The following GLIPR1L1 variants were observed in gnomAD, a reference collection of about 807,000 sequenced individuals.
GLIPR1L1 encodes GLIPR1 like 1.
GLIPR1L1 carries 26 observed loss-of-function variants against 29.9 expected under a neutral mutation model. The observed-to-expected ratio is 0.87, with a 90% CI of 0.64 to 1.21. The LOEUF (loss-of-function observed/expected upper bound fraction) is 1.21, where lower values mean the gene tolerates loss of function less well. Among genes scored for constraint, GLIPR1L1 ranks in the 50% most tolerant of loss-of-function variants. The probability of loss-of-function intolerance (pLI) is 0.00; values close to 1 mark genes in which losing one functional copy is unlikely to be tolerated. For missense variants in GLIPR1L1, 305 were observed against 290.3 expected, an observed-to-expected ratio of 1.05 and a Z score of -0.37; for synonymous variants, 77 against 97.5, an observed-to-expected ratio of 0.79 and a Z score of 1.24.
rs375662800 is a variant in GLIPR1L1 at position 75,353,311 on chromosome 12, G to A, written c.521+5589G>A. Reference sequence around the variant, plus strand: ...AGACACAATAAAAAATGATAAAGGGGTATCACCACTGACCCCACAGAAATA... The same window carrying A: ...AGACACAATAAAAAATGATAAAGGGATATCACCACTGACCCCACAGAAATA... On this transcript the variant is annotated intron_variant, in intron 3 of 5. Coordinates refer to ENST00000378695, the MANE Select transcript of GLIPR1L1 (RefSeq NM_001304964.2). 1.1e-3 allele frequency among the ~76,000 whole-genome samples: 170 copies of A among 151,988 alleles called. 1 individual carries two copies. The highest frequency in any genetic ancestry group is 3.6e-3 in the African/African-American group (150 of 41,478).
chr12:75,340,568 A>C, intron 1 of GLIPR1L1, among the ~76,000 whole-genome samples: 1 of 152,136 alleles, frequency 6.6e-6, no homozygotes, highest in South Asian at 2.1e-4. Flanking sequence ...AACTATTTTT[A>C]AAAAGTCAAC....
intron 4 of GLIPR1L1, chr12:75,366,924 A>AC (rs1173226888): frequency 4.3e-6 from 3 of 701,812 alleles, no homozygotes; most frequent in Admixed American, 4.0e-5. Context: ...GGGGTTAACC[A>AC]CCCAGACATT....
rs188781084 is a variant in GLIPR1L1 at position 75,362,399 on chromosome 12, G to T, written c.522-703G>T. Among the ~76,000 whole-genome samples, 127 of 152,230 alleles carry T rather than the reference G, an allele frequency of 8.3e-4. 1 individual carries two copies. The highest frequency in any genetic ancestry group is 1.1e-3 in the Non-Finnish European group (78 of 67,998). ...GCCATGGTATTCTCATGCACTGTTA[G>T]ATCTGTGTCCCTATAATGATGTATG... On this transcript the variant is annotated intron_variant, in intron 3 of 5. Coordinates refer to ENST00000378695, the MANE Select transcript of GLIPR1L1 (RefSeq NM_001304964.2).
intron 2 of GLIPR1L1, among the ~76,000 whole-genome samples, chr12:75,347,042 C>T (rs867262580): frequency 1.5e-4 from 22 of 151,398 alleles, no homozygotes; most frequent in African/African-American, 5.1e-4. Context: ...AAGTCTTCTT[C>T]CTTTTGAATA....
At position 75,370,196 on chromosome 12, in the gene GLIPR1L1, A is replaced by C. The variant is rs541396838; in HGVS notation, c.*20A>C. On this transcript the variant is annotated 3_prime_UTR_variant, in exon 6 of 6. Coordinates refer to ENST00000378695, the MANE Select transcript of GLIPR1L1 (RefSeq NM_001304964.2). ...TTTTAATGTCATTTATATACAAAAG[A>C]AATTCTCAAATGTTAAAATAAAGGA... The C allele has an allele frequency of 1.7e-6, 2 of 1,174,950 alleles. No homozygotes were observed. Among genetic ancestry groups the C allele is most frequent in the Non-Finnish European group, 2.5e-6 (2 of 787,230 alleles). The allele number at this position is 1,174,950 out of a possible 1,614,324, so 72.8% of individuals were successfully genotyped here.
chr12:75,352,030 G>A (rs1390079421), intron 3 of GLIPR1L1, among the ~76,000 whole-genome samples: 1 of 152,108 alleles, frequency 6.6e-6, no homozygotes, highest in Non-Finnish European at 1.5e-5. Context: ...AAGGAAAAAT[G>A]GTTACCAGTC....
chr12:75,359,314 T>A (rs2043389090), intron 3 of GLIPR1L1, among the ~76,000 whole-genome samples: 1 of 148,780 alleles, frequency 6.7e-6, no homozygotes, highest in Non-Finnish European at 1.5e-5. Context: ...GCGACATATA[T>A]GTTGTTCAGT....
Position 75,370,085 on chromosome 12 carries a change from A to G in GLIPR1L1, c.638A>G (p.Gln213Arg), listed in dbSNP as rs2139699360. Residue 213 changes from glutamine to arginine, a missense_variant and splice_region_variant, in exon 6 of 6, where the codon CAA becomes CGA. Coordinates refer to ENST00000378695, the MANE Select transcript of GLIPR1L1 (RefSeq NM_001304964.2). Reference sequence around the variant, plus strand: ...CTGGTTTTGTTTTTGTTTTTGACAGAAAATCCATTTCTGAAGCCAACGGGG... The same window carrying G: ...CTGGTTTTGTTTTTGTTTTTGACAGGAAATCCATTTCTGAAGCCAACGGGG... ...CRTPQLIIPNQNPFLKPTGRA... is the reference protein window; with the variant it reads ...CRTPQLIIPNRNPFLKPTGRA... The G allele has an allele frequency of 6.3e-7, 1 of 1,593,392 alleles. No homozygotes were observed. Among genetic ancestry groups the G allele is most frequent in the East Asian group, 2.2e-5 (1 of 44,716 alleles).
chr12:75,345,619 A>G (rs1294975072), intron 2 of GLIPR1L1, among the ~76,000 whole-genome samples: 1 of 152,192 alleles, frequency 6.6e-6, no homozygotes, highest in Non-Finnish European at 1.5e-5. Flanking sequence ...AGGTTGTTCT[A>G]AGTCTAGACA....
intron 2 of GLIPR1L1, among the ~76,000 whole-genome samples, chr12:75,344,577 C>T (rs2042326001): frequency 6.6e-6 from 1 of 151,996 alleles, no homozygotes; most frequent in African/African-American, 2.4e-5. Context: ...CCTGCTAGCT[C>T]TAGTATCTAT....
chr12:75,335,626 A>G (rs188459336), intron 1 of GLIPR1L1, among the ~76,000 whole-genome samples: 91 of 152,258 alleles, frequency 6.0e-4, no homozygotes, highest in African/African-American at 2.2e-3. Flanking sequence ...CCAGTGGAAA[A>G]CAAAAGTAAT....
chr12:75,364,554 C>T (rs1272218375), intron 4 of GLIPR1L1, among the ~76,000 whole-genome samples: 1 of 152,168 alleles, frequency 6.6e-6, no homozygotes, highest in African/African-American at 2.4e-5. Context: ...CATAGACAGG[C>T]ATTCATTAAC....
At chr12:75,335,746 C>A (rs951142812) in intron 1 of GLIPR1L1, among the ~76,000 whole-genome samples, 5 of 151,882 alleles carry the variant, frequency 3.3e-5, no homozygotes, top group Non-Finnish European at 5.9e-5. Context: ...AGAAATGAAA[C>A]AAGAATAAAC....
intron 1 of GLIPR1L1, among the ~76,000 whole-genome samples, chr12:75,335,519 T>C (rs2041669343): frequency 6.6e-6 from 1 of 152,186 alleles, no homozygotes; most frequent in African/African-American, 2.4e-5. Context: ...AATGCATCAC[T>C]ATGAGCATAA....
In GLIPR1L1 at chr12:75,334,839, CATAGAAGCCCACAACGA is replaced by C; in HGVS notation, c.114_130del (p.Ile38MetfsTer19). On this transcript the variant is annotated frameshift_variant, in exon 1 of 6. Coordinates refer to ENST00000378695, the MANE Select transcript of GLIPR1L1 (RefSeq NM_001304964.2). LOFTEE classifies it high-confidence loss of function. Reference sequence around the variant, plus strand: ...CTGACCCACACTTTATAGACAACTGCATAGAAGCCCACAACGAATGGCGTGGCAAAGTCAACCCTCCC... The same window carrying C: ...CTGACCCACACTTTATAGACAACTGCATGGCGTGGCAAAGTCAACCCTCCC... 1.2e-6 allele frequency: 2 copies of C among 1,614,144 alleles called. No individual in the cohort carries two copies. The highest frequency in any genetic ancestry group is 1.7e-6 in the Non-Finnish European group (2 of 1,180,016).
chr12:75,341,098 CT>C (rs776730788), intron 1 of GLIPR1L1, among the ~76,000 whole-genome samples: 28 of 151,954 alleles, frequency 1.8e-4, no homozygotes, highest in Non-Finnish European at 2.5e-4. Context: ...CTTCTGGGCA[CT>C]TTTTCCTTTT....
chr12:75,369,671 G>A (rs1438001214), intron 4 of GLIPR1L1: 1 of 984,862 alleles, frequency 1.0e-6, no homozygotes. Flanking sequence ...GGGAATGAAA[G>A]AGTGGGAAAA....
intron 3 of GLIPR1L1, among the ~76,000 whole-genome samples, chr12:75,361,911 A>G (rs2043622557): frequency 6.6e-6 from 1 of 152,174 alleles, no homozygotes; most frequent in Admixed American, 6.5e-5. Flanking sequence ...CTAAATGTAA[A>G]ACCTACAACT....
In GLIPR1L1 at chr12:75,370,352, C is replaced by T. The variant is rs556458192; in HGVS notation, c.*176C>T. 75 of 484,468 alleles carry T rather than the reference C, an allele frequency of 1.5e-4. No homozygotes were observed. The South Asian group carries it at 2.8e-3, about 18-fold the overall frequency. The allele number at this position is 484,468 out of a possible 1,614,324, so 30.0% of individuals were successfully genotyped here. On this transcript the variant is annotated 3_prime_UTR_variant, in exon 6 of 6. Coordinates refer to ENST00000378695, the MANE Select transcript of GLIPR1L1 (RefSeq NM_001304964.2). The stretch of plus-strand genomic sequence containing the variant: ...GTACTGTAGTATGGAAAATGGATAG[C>T]AGTAGAATAAAGTCTTAAGATTATT...
Sources: gnomAD v4.1 joint callset for allele counts (sites outside exome capture counted in the v4.1 genomes callset) on GRCh38, gnomAD v4.1.1 for gene constraint, MANE v1.5 for transcripts, NCBI Gene and HGNC (gene_info 2026-07-23, HGNC 2026-07-21) for gene names.